Variants in ESRRG observed in about 807,000 individuals in gnomAD.
The protein encoded by ESRRG is estrogen related receptor gamma, also known as estrogen-related receptor gamma.
ESRRG carries 13 observed loss-of-function variants against 44.0 expected under a neutral mutation model. The observed-to-expected ratio is 0.30, with a 90% CI of 0.19 to 0.47. The LOEUF is 0.47. ESRRG is among the 20% of genes least tolerant of loss of function. ESRRG has a pLI of 1.00. For missense variants in ESRRG, 395 were observed against 580.6 expected (o/e 0.68, Z 3.29); for synonymous variants, 215 against 214.6 (o/e 1.00, Z -0.02).
At chr1:216,845,911 G>C (rs1444032518) in intron 2 of ESRRG, among the ~76,000 whole-genome samples, 1 of 152,102 alleles carries the variant, frequency 6.6e-6, no homozygotes, top group Non-Finnish European at 1.5e-5. Flanking sequence ...TCCTCTTTGA[G>C]AGGAAGGGAA....
chr1:216,768,484 A>ATCTATCTATCTATCTGTCTG (rs1553593222), intron 2 of ESRRG, among the ~76,000 whole-genome samples: 8 of 151,662 alleles, frequency 5.3e-5, no homozygotes, highest in African/African-American at 1.9e-4. Context: ...CTATCTATCT[A>ATCTATCTATCTATCTGTCTG]TCTATCTATC....
chr1:216,691,852 C>T (rs965853618), intron 1 of ESRRG, among the ~76,000 whole-genome samples: 1 of 152,102 alleles, frequency 6.6e-6, no homozygotes, highest in African/African-American at 2.4e-5. Flanking sequence ...GTCACAAATA[C>T]GACACTGGTC....
Position 216,677,441 on chromosome 1 carries a change from G to A in ESRRG, c.107C>T (p.Ser36Leu), listed in dbSNP as rs149827805. 28 of 1,613,742 alleles carry A rather than the reference G, an allele frequency of 1.7e-5. No homozygotes were observed. The highest frequency in any genetic ancestry group is 2.2e-5 in the Non-Finnish European group (26 of 1,179,866). Residue 36 changes from serine (S) to leucine (L), a missense_variant, in exon 2 of 7, where the codon TCG becomes TTG. Coordinates refer to ENST00000408911, the MANE Select transcript of ESRRG (RefSeq NM_001438.4). Reference protein sequence around the residue: ...NKDRHIDSSCSSFIKTEPSSP... With the variant: ...NKDRHIDSSCLSFIKTEPSSP... Reference sequence around the variant, plus strand: ...GGAAGGTTCCGTCTTGATGAAGGACGAACAGCTGGAATCAATGTGTCGATC... The same window carrying A: ...GGAAGGTTCCGTCTTGATGAAGGACAAACAGCTGGAATCAATGTGTCGATC...
intron 2 of ESRRG, among the ~76,000 whole-genome samples, chr1:216,673,793 C>T (rs1173534253): frequency 1.3e-5 from 2 of 152,192 alleles, no homozygotes; most frequent in African/African-American, 4.8e-5. Context: ...GTTTAATCCC[C>T]TCAACCCTAA....
rs144323817 is a variant in ESRRG at position 216,536,547 on chromosome 1, A to G, written c.863-17126T>C. ...CCCAACTTATGATTTCCCTGACTCA[A>G]GTCTCTTTTCTTCTAGATCTGTATT... is the stretch of plus-strand genomic sequence containing the variant. On this transcript the variant is annotated intron_variant, in intron 5 of 6. Transcript: ENST00000408911. 2.2e-4 allele frequency among the ~76,000 whole-genome samples: 33 copies of G among 152,176 alleles called. No homozygotes were observed. The East Asian group carries it at 6.2e-3, about 29-fold the overall frequency.
intron 3 of ESRRG, among the ~76,000 whole-genome samples, chr1:216,595,513 C>A (rs1266678098): frequency 1.3e-5 from 2 of 152,032 alleles, no homozygotes; most frequent in Non-Finnish European, 2.9e-5. Flanking sequence ...TCAAATAATT[C>A]AAAAAATAAA....
At position 216,913,646 on chromosome 1, in the gene ESRRG, G is replaced by A. The variant is rs768032722; in HGVS notation, c.-14+25936C>T. 9.9e-5 allele frequency among the ~76,000 whole-genome samples: 15 copies of A among 152,180 alleles called. No homozygotes were observed. The East Asian group carries it at 1.7e-3, about 18-fold the overall frequency. On this transcript the variant is annotated intron_variant, in intron 2 of 7. Coordinates refer to the ESRRG transcript ENST00000359162. The stretch of plus-strand genomic sequence containing the variant: ...TACGGCCCTTGCCGATTCCTCAAGC[G>A]TGCTGCATCTGTTTCCTAGTTCTAA...
intron 1 of ESRRG, among the ~76,000 whole-genome samples, chr1:217,097,843 TAAA>T (rs5780964): frequency 7.2e-6 from 1 of 139,044 alleles, no homozygotes; most frequent in Non-Finnish European, 1.5e-5. Flanking sequence ...CCAGGCTGCT[TAAA>T]AAAAAAAAAA....
chr1:217,015,282 T>C (rs993054375), intron 1 of ESRRG, among the ~76,000 whole-genome samples: 1 of 152,194 alleles, frequency 6.6e-6, no homozygotes, highest in African/African-American at 2.4e-5. Context: ...TTTGCTTCCT[T>C]TTACATGAAT....
At chr1:216,587,181 T>C (rs2056816938) in intron 3 of ESRRG, among the ~76,000 whole-genome samples, 1 of 152,212 alleles carries the variant, frequency 6.6e-6, no homozygotes, top group Non-Finnish European at 1.5e-5. Flanking sequence ...AATTATAACT[T>C]GTTTCACAAT....
intron 2 of ESRRG, among the ~76,000 whole-genome samples, chr1:216,845,721 C>T (rs1031047104): frequency 2.6e-5 from 4 of 152,128 alleles, no homozygotes; most frequent in Non-Finnish European, 1.5e-5. Context: ...TCATCCTATC[C>T]TTGTCTTTCT....
intron 3 of ESRRG, among the ~76,000 whole-genome samples, chr1:216,648,840 C>T (rs1052299294): frequency 2.6e-5 from 4 of 152,120 alleles, no homozygotes; most frequent in Non-Finnish European, 4.4e-5. Context: ...GATTCCTCAA[C>T]TTTCAAGGAC....
At chr1:217,019,338 C>A (rs968499866) in intron 1 of ESRRG, among the ~76,000 whole-genome samples, 2 of 152,170 alleles carry the variant, frequency 1.3e-5, no homozygotes, top group Non-Finnish European at 2.9e-5. Context: ...AGAGAGAGGA[C>A]TTAGGTCCAT....
intron 2 of ESRRG, among the ~76,000 whole-genome samples, chr1:216,888,680 A>C (rs1577709022): frequency 6.6e-6 from 1 of 152,114 alleles, no homozygotes; most frequent in Non-Finnish European, 1.5e-5. Flanking sequence ...CCTAGCACCC[A>C]CCTTAACACT....
intron 3 of ESRRG, among the ~76,000 whole-genome samples, chr1:216,629,623 G>A (rs2063772147): frequency 6.6e-6 from 1 of 151,874 alleles, no homozygotes; most frequent in African/African-American, 2.4e-5. Context: ...CCAAATGGCA[G>A]AGGAGAATTA....
intron 1 of ESRRG, among the ~76,000 whole-genome samples, chr1:217,051,214 G>GGGC (rs1553259362): frequency 1.7e-5 from 2 of 115,966 alleles, no homozygotes; most frequent in African/African-American, 3.3e-5. Flanking sequence ...CGGGGGGGGG[G>GGGC]GGTGCCAGGG....
chr1:217,055,912 T>C (rs1312200775), intron 1 of ESRRG, among the ~76,000 whole-genome samples: 1 of 152,168 alleles, frequency 6.6e-6, no homozygotes, highest in East Asian at 1.9e-4. Context: ...TCTTTCCTTG[T>C]CCCTTTTCCT....
chr1:216,953,276 C>T (rs1031132623), intron 1 of ESRRG, among the ~76,000 whole-genome samples: 3 of 152,116 alleles, frequency 2.0e-5, no homozygotes, highest in South Asian at 4.1e-4. Context: ...GGACCAATTT[C>T]GAGTATTCTC....
intron 1 of ESRRG, among the ~76,000 whole-genome samples, chr1:217,099,807 A>C (rs1332749653): frequency 3.3e-5 from 5 of 152,192 alleles, no homozygotes; most frequent in Admixed American, 2.0e-4. Flanking sequence ...TTTCTCTGTA[A>C]AGGTCAAAGT....
Sources: gnomAD v4.1 joint callset for allele counts (sites outside exome capture counted in the v4.1 genomes callset) on GRCh38, gnomAD v4.1.1 for gene constraint, MANE v1.5 for transcripts, NCBI Gene and HGNC (gene_info 2026-07-23, HGNC 2026-07-21) for gene names.